BPIFB4: variants seen among roughly 807,000 people sequenced by gnomAD.
BPIFB4 encodes the protein BPI fold-containing family B member 4.
BPIFB4 carries 62 observed loss-of-function variants against 69.2 expected under a neutral mutation model. The observed-to-expected ratio is 0.90, with a 90% CI of 0.73 to 1.11. BPIFB4 has a LOEUF of 1.11. Among genes scored for constraint, BPIFB4 ranks in the 50% least tolerant of loss-of-function variants. The probability of loss-of-function intolerance (pLI) is 0.00; values close to 1 mark genes in which losing one functional copy is unlikely to be tolerated. For synonymous variants in BPIFB4, 330 were observed against 332.7 expected (o/e 0.99, Z 0.09); for missense variants, 789 against 792.0 (o/e 1.00, Z 0.04).
chr20:33,097,209 T>TC (rs1442569266), intron 12 of BPIFB4, among the ~76,000 whole-genome samples: 8 of 152,030 alleles, frequency 5.3e-5, no homozygotes, highest in African/African-American at 1.7e-4. Context: ...TCCTTGGCAT[T>TC]CCCCTCTGAG....
intron 1 of BPIFB4, among the ~76,000 whole-genome samples, chr20:33,079,904 A>C (rs1346102251): frequency 6.6e-6 from 1 of 152,226 alleles, no homozygotes; most frequent in African/African-American, 2.4e-5. Context: ...AATTACATGC[A>C]TGCGCAGAGC....
Position 33,092,475 on chromosome 20 carries a change from TGGA to T in BPIFB4, c.1168_1170del (p.Gly390del), listed in dbSNP as rs779596543. 2.5e-6 allele frequency: 4 copies of T among 1,613,858 alleles called. No individual in the cohort carries two copies. The Admixed American group carries it at 5.0e-5, about 20-fold the overall frequency. On this transcript the variant is annotated inframe_deletion, in exon 11 of 18. Transcript: ENST00000375483. ...TCCCCCAGACGCTGGTTGGGGAGGC[TGGA>T]GGAGGACTCATCGACTACCCATTGG...
rs543279166 is a variant in BPIFB4, at chr20:33,088,841, A to G, written c.927-125A>G. On this transcript the variant is annotated intron_variant, in intron 7 of 17. Transcript: ENST00000375483. ...GGTACTCTGTCCTCCCAGCTTTCGA[A>G]CAGTTTTCCAGCACTCAGAGGTTCT... 10 of 1,519,746 alleles carry G rather than the reference A, an allele frequency of 6.6e-6. No homozygotes were observed. The African/African-American group carries it at 1.1e-4, about 17-fold the overall frequency. The allele number at this position is 1,519,746 out of a possible 1,614,324, so 94.1% of individuals were successfully genotyped here. A position where few individuals can be genotyped will look rare whatever the true frequency, so the allele number is the denominator to read the frequency against.
rs568296409 is a variant in BPIFB4, at chr20:33,103,688, T to A, written c.1680+674T>A. Among the ~76,000 whole-genome samples the A allele has an allele frequency of 2.0e-5, 3 of 149,408 alleles. No individual in the cohort carries two copies. In the South Asian group the frequency reaches 6.6e-4, roughly 33 times the overall value. On this transcript the variant is annotated intron_variant, in intron 15 of 17. Coordinates refer to ENST00000375483, the MANE Select transcript of BPIFB4 (RefSeq NM_182519.3). Reference sequence around the variant, plus strand: ...ATCTGCTAGCTTTCTGGGACAAGCTTGGATGAGATCTCCACATGTGCAGAA... The same window carrying A: ...ATCTGCTAGCTTTCTGGGACAAGCTAGGATGAGATCTCCACATGTGCAGAA...
intron 16 of BPIFB4, among the ~76,000 whole-genome samples, chr20:33,105,912 G>T: frequency 6.6e-6 from 1 of 152,294 alleles, no homozygotes; most frequent in East Asian, 1.9e-4. Flanking sequence ...TAATCATACT[G>T]AAGTGCAATT....
At chr20:33,091,434 C>T (rs1342847991) in intron 10 of BPIFB4, among the ~76,000 whole-genome samples, 3 of 152,194 alleles carry the variant, frequency 2.0e-5, no homozygotes, top group Non-Finnish European at 4.4e-5. Context: ...CCAGCACTGG[C>T]CTGCATCTGG....
chr20:33,094,110 CA>C, intron 11 of BPIFB4, among the ~76,000 whole-genome samples: 1 of 152,332 alleles, frequency 6.6e-6, no homozygotes, highest in East Asian at 1.9e-4. Flanking sequence ...CACTTGCTTC[CA>C]TTAAGAGAAA....
Position 33,097,796 on chromosome 20 carries a change from C to T in BPIFB4, c.1569+9C>T, listed in dbSNP as rs781241028. 6 of 1,603,256 alleles carry T rather than the reference C, an allele frequency of 3.7e-6. No homozygotes were observed. In the East Asian group the frequency reaches 1.4e-4, roughly 36 times the overall value. On this transcript the variant is annotated intron_variant, in intron 13 of 17. Transcript: ENST00000375483. Reference sequence around the variant, plus strand: ...TCTGCCTCATTGACGTGGTGAGTGTCTGGAGGTACTGGTGGCCTCCAGCTG... The same window carrying T: ...TCTGCCTCATTGACGTGGTGAGTGTTTGGAGGTACTGGTGGCCTCCAGCTG...
intron 10 of BPIFB4, 74 bp from the exon 11 acceptor site, chr20:33,092,384 C>G: frequency 7.2e-7 from 1 of 1,385,030 alleles, no homozygotes; most frequent in Non-Finnish European, 9.9e-7. Flanking sequence ...AGATTCAGGG[C>G]CTCACTCCAG....
rs188070549 is a variant in BPIFB4 at position 33,111,693 on chromosome 20, C to G, written c.*256C>G. ...CTTGGGGCTGGAGGCCTCTCAGACCCCATCCTGACAGCAGGTTGAGTATTC... is the reference window on the plus strand; with the variant it reads ...CTTGGGGCTGGAGGCCTCTCAGACCGCATCCTGACAGCAGGTTGAGTATTC... On this transcript the variant is annotated 3_prime_UTR_variant, in exon 18 of 18. Coordinates refer to ENST00000375483, the MANE Select transcript of BPIFB4 (RefSeq NM_182519.3). The G allele has an allele frequency of 2.0e-6, 1 of 501,808 alleles. No homozygotes were observed. Among genetic ancestry groups the G allele is most frequent in the Non-Finnish European group, 3.6e-6 (1 of 277,584 alleles). 31.1% of individuals were successfully genotyped at this position (501,808 alleles called of 1,614,324 possible).
At chr20:33,100,310 C>T (rs1042949649) in intron 13 of BPIFB4, 116 bp from the exon 14 acceptor site, 18 of 797,942 alleles carry the variant, frequency 2.3e-5, no homozygotes, top group Admixed American at 4.3e-5. Context: ...GAACAACCTG[C>T]CATCATGCTC....
intron 14 of BPIFB4, 33 bp downstream of exon 14, chr20:33,100,526 G>A: frequency 6.4e-7 from 1 of 1,570,950 alleles, no homozygotes. Context: ...GGTCCTGACG[G>A]TGCTGGTGCT....
intron 10 of BPIFB4, among the ~76,000 whole-genome samples, chr20:33,091,445 C>A (rs984335566): frequency 2.0e-5 from 3 of 152,190 alleles, no homozygotes; most frequent in Non-Finnish European, 4.4e-5. Context: ...CTGCATCTGG[C>A]CCCTAATTTT....
chr20:33,103,061 C>G (rs143978003), intron 15 of BPIFB4, 47 bp downstream of exon 15: 36 of 1,585,010 alleles, frequency 2.3e-5, no homozygotes, highest in Non-Finnish European at 2.9e-5. Context: ...TGGGAAGGAG[C>G]CCAGGACGTG....
At chr20:33,085,413 C>T (rs1248338090) in intron 6 of BPIFB4, among the ~76,000 whole-genome samples, 2 of 152,176 alleles carry the variant, frequency 1.3e-5, no homozygotes. Flanking sequence ...TGAGATCGTG[C>T]CACTGCACTC....
chr20:33,098,899 G>C (rs573247783), intron 13 of BPIFB4, among the ~76,000 whole-genome samples: 1 of 151,952 alleles, frequency 6.6e-6, no homozygotes, highest in Admixed American at 6.5e-5. Flanking sequence ...GTCAGGCACT[G>C]TCTGACCTCA....
intron 16 of BPIFB4, among the ~76,000 whole-genome samples, 195 bp from the exon 17 acceptor site, chr20:33,107,549 T>C (rs935133654): frequency 6.6e-6 from 1 of 152,116 alleles, no homozygotes; most frequent in African/African-American, 2.4e-5. Context: ...GGCAGGAGAA[T>C]CACTTGAACC....
At chr20:33,105,202 T>G (rs1211183615) in intron 16 of BPIFB4, among the ~76,000 whole-genome samples, 1 of 152,200 alleles carries the variant, frequency 6.6e-6, no homozygotes, top group Admixed American at 6.5e-5. Context: ...GCAATGAATC[T>G]CAACATCTGA....
chr20:33,111,611 T>C lies in BPIFB4; in HGVS notation c.*174T>C, dbSNP rs1982241490. ...CAACCCTGAGAAAGGGTCCAGCCAC[T>C]ACCCTGTTGGCAAACATTCCCTTCC... On this transcript the variant is annotated 3_prime_UTR_variant, in exon 18 of 18. Transcript: ENST00000375483. 2 of 724,136 alleles carry C rather than the reference T, an allele frequency of 2.8e-6. No homozygotes were observed. Among genetic ancestry groups the C allele is most frequent in the Non-Finnish European group, 4.5e-6 (2 of 442,750 alleles). The allele number at this position is 724,136 out of a possible 1,614,324, so 44.9% of individuals were successfully genotyped here. A position where few individuals can be genotyped will look rare whatever the true frequency, so the allele number is the denominator to read the frequency against.
Sources: gnomAD v4.1 joint callset for allele counts (sites outside exome capture counted in the v4.1 genomes callset) on GRCh38, gnomAD v4.1.1 for gene constraint, MANE v1.5 for transcripts, NCBI Gene and HGNC (gene_info 2026-07-23, HGNC 2026-07-21) for gene names.